NEMP2: variants seen among roughly 807,000 people sequenced by gnomAD.
The protein encoded by NEMP2 is nuclear envelope integral membrane protein 2.
NEMP2 carries 53 observed loss-of-function variants against 54.2 expected under a neutral mutation model. The ratio of observed to expected loss-of-function variants is 0.98; its 90% CI spans 0.78 to 1.23. The LOEUF (loss-of-function observed/expected upper bound fraction) is 1.23, where lower values mean the gene tolerates loss of function less well. NEMP2 is among the 50% of genes most tolerant of loss of function. NEMP2 has a pLI of 0.00. For synonymous variants in NEMP2, 197 were observed against 190.3 expected, an observed-to-expected ratio of 1.04 and a Z score of -0.29; for missense variants, 455 against 511.3, an observed-to-expected ratio of 0.89 and a Z score of 1.06.
the NEMP2 span, among the ~76,000 whole-genome samples, chr2:190,487,956 G>A: frequency 6.6e-6 from 1 of 152,242 alleles, no homozygotes; most frequent in South Asian, 2.1e-4. The surrounding 1 kb of genome is among the most constrained non-coding windows in gnomAD (Gnocchi z 5.5). Context: ...GCTGGGGAGT[G>A]CAGTGGCGTG....
chr2:190,534,256 A>T, intron 1 of NEMP2: 1 of 1,125,324 alleles, frequency 8.9e-7, no homozygotes, highest in African/African-American at 1.6e-5. Context: ...ACCCTGGGCA[A>T]ATCAAAACCT....
the NEMP2 span, among the ~76,000 whole-genome samples, chr2:190,620,024 C>T: frequency 3.3e-5 from 5 of 152,110 alleles, no homozygotes; most frequent in African/African-American, 4.8e-5. This position sits in a 1 kb window ranked among gnomAD's most constrained non-coding sequence, Gnocchi z 4.9. Context: ...TTCTGTAAAT[C>T]GATGCTGTAT....
the NEMP2 span, among the ~76,000 whole-genome samples, chr2:190,575,728 C>T: frequency 1.8e-3 from 275 of 152,124 alleles, no homozygotes; most frequent in African/African-American, 5.7e-3. Context: ...TGGTGGTGCA[C>T]GCCTGTAATC....
chr2:190,455,934 C>CTTTTTTTTTTTTTT, the NEMP2 span, among the ~76,000 whole-genome samples: 3 of 65,388 alleles, frequency 4.6e-5, no homozygotes, highest in African/African-American at 6.6e-5. Flanking sequence ...ATTTACTCTG[C>CTTTTTTTTTTTTTT]TTTTTTTTTT....
At chr2:190,497,798 T>C in the NEMP2 span, 1 of 1,454,078 alleles carries the variant, frequency 6.9e-7, no homozygotes, top group South Asian at 1.3e-5. This position sits in a 1 kb window ranked among gnomAD's most constrained non-coding sequence, Gnocchi z 5.2. Flanking sequence ...ATTACTCACT[T>C]TTCATTCAAC....
At chr2:190,431,850 G>T in the NEMP2 span, among the ~76,000 whole-genome samples, 1 of 152,090 alleles carries the variant, frequency 6.6e-6, no homozygotes, top group Non-Finnish European at 1.5e-5. This position sits in a 1 kb window ranked among gnomAD's most constrained non-coding sequence, Gnocchi z 4.4. Context: ...ATAAATTCCA[G>T]AGCTTTTTAT....
the NEMP2 span, among the ~76,000 whole-genome samples, chr2:190,584,797 G>A: frequency 4.0e-5 from 6 of 151,864 alleles, no homozygotes; most frequent in African/African-American, 1.5e-4. The surrounding 1 kb of genome is among the most constrained non-coding windows in gnomAD (Gnocchi z 4.2). Context: ...AATAGCTTGA[G>A]CCCAGTAGTT....
chr2:190,483,144 G>A, the NEMP2 span, among the ~76,000 whole-genome samples: 4 of 150,728 alleles, frequency 2.7e-5, no homozygotes, highest in South Asian at 2.1e-4. Flanking sequence ...CACCCGCCTC[G>A]GCCTCCCAAA....
intron 4 of NEMP2, 151 bp downstream of exon 4, chr2:190,518,585 C>T: frequency 1.7e-6 from 1 of 588,448 alleles, no homozygotes; most frequent in East Asian, 3.0e-5. Flanking sequence ...TTTTCAAAGG[C>T]CTTTCCAATA....
chr2:190,431,545 A>T, the NEMP2 span, among the ~76,000 whole-genome samples: 3 of 152,194 alleles, frequency 2.0e-5, no homozygotes, highest in African/African-American at 7.2e-5. This position sits in a 1 kb window ranked among gnomAD's most constrained non-coding sequence, Gnocchi z 4.4. Context: ...TCCACCAAAA[A>T]AATACGAAAA....
the NEMP2 span, among the ~76,000 whole-genome samples, chr2:190,572,299 T>C: frequency 2.3e-4 from 35 of 152,332 alleles, no homozygotes; most frequent in African/African-American, 8.2e-4. Flanking sequence ...GTGACTTTCA[T>C]CTTTGGACCT....
At chr2:190,540,233 A>C in the NEMP2 span, among the ~76,000 whole-genome samples, 2 of 151,492 alleles carry the variant, frequency 1.3e-5, no homozygotes, top group Non-Finnish European at 2.9e-5. Context: ...TGATTTGCAT[A>C]TGTCGAACCA....
At position 190,525,234 on chromosome 2, in the gene NEMP2, T is replaced by A. The variant is rs1221999512; in HGVS notation, c.213+29A>T. 1 of 1,237,414 alleles carries A rather than the reference T, an allele frequency of 8.1e-7. No individual in the cohort carries two copies. Among genetic ancestry groups the A allele is most frequent in the Non-Finnish European group, 1.2e-6 (1 of 865,432 alleles). The allele number at this position is 1,237,414 out of a possible 1,614,324, so 76.7% of individuals were successfully genotyped here. On this transcript the variant is annotated intron_variant, in intron 2 of 8. Coordinates refer to ENST00000409150, the MANE Select transcript of NEMP2 (RefSeq NM_001142645.2). This position sits in a 1 kb window ranked among gnomAD's most constrained non-coding sequence, Gnocchi z 5.0. ...CCAGGACATGGTAATTCTCTGTCCC[T>A]AAGACATGAGTTAAAAGTAGGCCCT...
the NEMP2 span, among the ~76,000 whole-genome samples, chr2:190,483,654 G>A: frequency 1.3e-5 from 2 of 152,004 alleles, no homozygotes; most frequent in African/African-American, 2.4e-5. Flanking sequence ...GGCCAACATG[G>A]TGAAACCCTG....
chr2:190,444,902 T>A, the NEMP2 span: 1 of 820,874 alleles, frequency 1.2e-6, no homozygotes, highest in Non-Finnish European at 1.5e-6. Flanking sequence ...GACGTTAATC[T>A]TTTTCCTTGT....
the NEMP2 span, among the ~76,000 whole-genome samples, chr2:190,476,817 G>A: frequency 3.9e-5 from 6 of 152,020 alleles, no homozygotes; most frequent in African/African-American, 7.2e-5. Context: ...ATGTCCAACA[G>A]TGATAGACTG....
chr2:190,613,283 T>A, the NEMP2 span, among the ~76,000 whole-genome samples: 1 of 152,204 alleles, frequency 6.6e-6, no homozygotes, highest in Admixed American at 6.5e-5. Flanking sequence ...ATTAGGGTAT[T>A]TTACTAAATA....
Position 190,514,381 on chromosome 2 carries a change from C to A in NEMP2, c.953+72G>T. The A allele has an allele frequency of 7.6e-7, 1 of 1,321,222 alleles. No individual in the cohort carries two copies. The highest frequency in any genetic ancestry group is 1.3e-5 in the South Asian group (1 of 77,966). The allele number at this position is 1,321,222 out of a possible 1,614,324, so 81.8% of individuals were successfully genotyped here. ...AATTATGAGATTAACATGATGTGTG[C>A]AAACACTCTCCCAAATAATAAAACT... On this transcript the variant is annotated intron_variant, in intron 7 of 8. Coordinates refer to ENST00000409150, the MANE Select transcript of NEMP2 (RefSeq NM_001142645.2). This position sits in a 1 kb window ranked among gnomAD's most constrained non-coding sequence, Gnocchi z 5.7.
At chr2:190,482,933 G>A in the NEMP2 span, among the ~76,000 whole-genome samples, 5 of 116,952 alleles carry the variant, frequency 4.3e-5, no homozygotes, top group African/African-American at 1.3e-4. Flanking sequence ...CGCCCAGGCC[G>A]GACTGCGGAC....
Sources: gnomAD v4.1 joint callset for allele counts (sites outside exome capture counted in the v4.1 genomes callset) on GRCh38, gnomAD v4.1.1 for gene constraint, Gnocchi (gnomAD v3.1) non-coding constraint, MANE v1.5 for transcripts, NCBI Gene and HGNC (gene_info 2026-07-23, HGNC 2026-07-21) for gene names.